The following MSN variants were observed in gnomAD, a reference collection of about 807,000 sequenced individuals.
MSN encodes moesin, also known as epididymis luminal protein 70.
A neutral mutation model predicts 48.0 loss-of-function variants in MSN; 2 were observed. The ratio of observed to expected loss-of-function variants is 0.04; its 90% confidence interval spans 0.02 to 0.13. The LOEUF (loss-of-function observed/expected upper bound fraction) is 0.13. Among genes scored for constraint, MSN ranks in the 10% least tolerant of loss-of-function variants. The pLI is 1.00. For missense variants in MSN, 267 were observed against 470.1 expected, an observed-to-expected ratio of 0.57 and a Z score of 3.99; for synonymous variants, 146 against 166.9, an observed-to-expected ratio of 0.87 and a Z score of 0.97.
rs947627419 is a variant in MSN, at chrX:65,598,242, C to T, written c.-22+9630C>T. 3.7e-5 allele frequency among the ~76,000 whole-genome samples: 4 copies of T among 107,116 alleles called. No individual in the cohort carries two copies. The East Asian group carries it at 8.7e-4, about 23-fold the overall frequency. 93.0% of individuals were successfully genotyped at this position (107,116 alleles called of 115,157 possible). A position where few individuals can be genotyped will look rare whatever the true frequency, so the allele number is the denominator to read the frequency against. ...GAGAAAAGAAAGAAAGAGGTGGGGT[C>T]GGGGGGAAGAGGGAAAGACTAAAGA... On this transcript the variant is annotated intron_variant, in intron 1 of 3. Transcript: ENST00000609672.
At chrX:65,631,854 A>G (rs183568819) in intron 1 of MSN, among the ~76,000 whole-genome samples, 3 of 110,915 alleles carry the variant, frequency 2.7e-5, no homozygotes, top group East Asian at 5.7e-4. Context: ...TCATTTTTAT[A>G]TTTTGTAGAC....
intron 1 of MSN, among the ~76,000 whole-genome samples, chrX:65,643,707 T>A (rs1368751724): frequency 9.0e-6 from 1 of 111,432 alleles, no homozygotes; most frequent in African/African-American, 3.3e-5. Context: ...GTAATCTAGT[T>A]TGAGGGAGAA....
chrX:65,731,268 A>T, intron 5 of MSN, 78 bp downstream of exon 5: 1 of 821,887 alleles, frequency 1.2e-6, no homozygotes, highest in Non-Finnish European at 1.8e-6. Flanking sequence ...GAAGAGACTG[A>T]TGACAAGGGA....
At chrX:65,672,213 G>T (rs765797852) in intron 1 of MSN, among the ~76,000 whole-genome samples, 27 of 112,333 alleles carry the variant, frequency 2.4e-4, no homozygotes, top group Non-Finnish European at 3.8e-4. Flanking sequence ...AACACTACCA[G>T]AGTTAGGCCT....
exon 1 of MSN, chrX:65,588,392 G>A: frequency 5.5e-6 from 1 of 183,238 alleles, no homozygotes; most frequent in Non-Finnish European, 9.5e-6. Flanking sequence ...TCTGGCCACA[G>A]CAGGAAGAAG....
intron 1 of MSN, among the ~76,000 whole-genome samples, chrX:65,687,013 A>G (rs1388772861): frequency 1.8e-5 from 2 of 111,955 alleles, no homozygotes; most frequent in African/African-American, 6.5e-5. Context: ...AGGACCAATG[A>G]GGCATTGCCA....
intron 1 of MSN, among the ~76,000 whole-genome samples, chrX:65,616,303 G>C (rs1363708594): frequency 3.0e-5 from 3 of 100,307 alleles, no homozygotes; most frequent in Admixed American, 1.1e-4. Context: ...GGGCAGTATG[G>C]CCATTTTCAC....
chrX:65,652,424 T>A (rs1392106551), intron 1 of MSN, among the ~76,000 whole-genome samples: 1 of 111,507 alleles, frequency 9.0e-6, no homozygotes, highest in South Asian at 3.8e-4. Flanking sequence ...CCAGAACCCA[T>A]GTCACAGGAA....
upstream of MSN, among the ~76,000 whole-genome samples, chrX:65,663,216 C>T (rs1446892491): frequency 9.2e-6 from 1 of 108,553 alleles, no homozygotes; most frequent in East Asian, 2.9e-4. Flanking sequence ...CACGATCACG[C>T]CATTGCACTC....
At chrX:65,620,576 G>A (rs1039107410) in intron 1 of MSN, among the ~76,000 whole-genome samples, 4 of 112,922 alleles carry the variant, frequency 3.5e-5, no homozygotes, top group Non-Finnish European at 7.5e-5. Context: ...GTCGCGCACG[G>A]TGCGCACACC....
At position 65,740,516 on chromosome X, in the gene MSN, T is replaced by C. The variant is rs749824409; in HGVS notation, c.*623T>C. 9.2e-5 allele frequency: 16 copies of C among 172,977 alleles called. No homozygotes were observed. The highest frequency in any genetic ancestry group is 2.4e-4 in the Admixed American group (3 of 12,668). 14.3% of individuals were successfully genotyped at this position (172,977 alleles called of 1,213,427 possible). ...AGCCTCAATAAGCCTTGTCGTTGAC[T>C]TTAGGGACTCAATTTCTCCCCAGGG... On this transcript the variant is annotated 3_prime_UTR_variant, in exon 13 of 13. Transcript: ENST00000360270.
intron 1 of MSN, among the ~76,000 whole-genome samples, chrX:65,648,814 G>A (rs189359155): frequency 1.8e-5 from 2 of 110,453 alleles, no homozygotes; most frequent in African/African-American, 6.6e-5. Context: ...AGTGAGCCGA[G>A]ATCATGACAC....
intron 1 of MSN, among the ~76,000 whole-genome samples, chrX:65,616,134 T>A (rs1384959551): frequency 9.0e-6 from 1 of 111,690 alleles, no homozygotes. Flanking sequence ...TGAAGTCAGG[T>A]AGTGTGATGC....
intron 1 of MSN, among the ~76,000 whole-genome samples, chrX:65,649,501 G>A (rs1376363835): frequency 2.8e-4 from 29 of 102,614 alleles, no homozygotes; most frequent in Non-Finnish European, 4.7e-4. Context: ...GCTTGAACCC[G>A]GGAGGCGGAG....
chrX:65,618,653 C>G (rs2070400806), intron 1 of MSN, among the ~76,000 whole-genome samples: 3 of 111,117 alleles, frequency 2.7e-5, no homozygotes, highest in Admixed American at 1.9e-4. Context: ...GGTCTTGACT[C>G]TTTATCCAAT....
At chrX:65,622,893 A>G (rs1345539771) in intron 1 of MSN, among the ~76,000 whole-genome samples, 2 of 111,858 alleles carry the variant, frequency 1.8e-5, no homozygotes, top group Non-Finnish European at 3.8e-5. Flanking sequence ...GAGTTTTTCC[A>G]TAAATGTTCT....
chrX:65,653,400 A>G (rs1176682902), intron 1 of MSN, among the ~76,000 whole-genome samples: 1 of 111,194 alleles, frequency 9.0e-6, no homozygotes, highest in Non-Finnish European at 1.9e-5. Context: ...AGTAGGGGGA[A>G]GTCTCTTAAA....
intron 1 of MSN, 165 bp from the exon 2 acceptor site, chrX:65,716,653 G>A (rs1245087816): frequency 6.5e-6 from 3 of 462,983 alleles, no homozygotes; most frequent in Non-Finnish European, 1.2e-5. Context: ...TGGGAGCAGG[G>A]GTTGTGTTTG....
At chrX:65,651,512 T>C (rs1470390940) in intron 1 of MSN, among the ~76,000 whole-genome samples, 7 of 107,391 alleles carry the variant, frequency 6.5e-5, no homozygotes, top group Non-Finnish European at 1.1e-4. Context: ...GCTCTTTTTG[T>C]GGGGGATGTA....
Sources: allele counts gnomAD v4.1 joint callset (sites outside exome capture counted in the v4.1 genomes callset), GRCh38; gene constraint gnomAD v4.1.1; transcripts MANE v1.5; gene names NCBI Gene and HGNC (gene_info 2026-07-23, HGNC 2026-07-21).